The following ATP8A2 variants were observed in gnomAD, a reference collection of about 807,000 sequenced individuals.
ATP8A2 encodes phospholipid-transporting ATPase IB.
A neutral mutation model predicts 165.6 loss-of-function variants in ATP8A2; 100 were observed. The ratio of observed to expected loss-of-function variants is 0.60; its 90% CI spans 0.51 to 0.71. The LOEUF (loss-of-function observed/expected upper bound fraction) is 0.71, where lower values mean the gene tolerates loss of function less well. Ranked by LOEUF, ATP8A2 falls within the 30% of genes least tolerant of loss-of-function variation. The pLI, the probability that ATP8A2 is intolerant of heterozygous loss-of-function variation, is 0.00. For synonymous variants in ATP8A2, 543 were observed against 548.8 expected (o/e 0.99, Z 0.15); for missense variants, 1,227 against 1,479.5 (o/e 0.83, Z 2.80).
At chr13:25,769,439 G>C (rs895746261) in intron 26 of ATP8A2, among the ~76,000 whole-genome samples, 2 of 152,144 alleles carry the variant, frequency 1.3e-5, no homozygotes, top group African/African-American at 2.4e-5. Context: ...GATTTCTCTG[G>C]CCAGCTATGG....
intron 24 of ATP8A2, among the ~76,000 whole-genome samples, chr13:25,648,432 G>A (rs4638423): frequency 0.41 from 62,035 of 151,950 alleles, 13,907 homozygotes; most frequent in Middle Eastern, 0.56. Context: ...TTGGGAGGTC[G>A]AGGCAGGTGG....
At chr13:25,919,787 A>G (rs1156949493) in intron 33 of ATP8A2, among the ~76,000 whole-genome samples, 2 of 152,066 alleles carry the variant, frequency 1.3e-5, no homozygotes, top group African/African-American at 4.8e-5. Context: ...TTTTCTTGAG[A>G]CAGAGTCTTG....
At chr13:25,760,720 T>C (rs1323917989) in intron 25 of ATP8A2, among the ~76,000 whole-genome samples, 1 of 152,234 alleles carries the variant, frequency 6.6e-6, no homozygotes, top group Non-Finnish European at 1.5e-5. Context: ...TAAATGTTAA[T>C]GTATTTTTGC....
At position 25,961,734 on chromosome 13, in the gene ATP8A2, C is replaced by A; in HGVS notation, c.3272+71C>A. The A allele has an allele frequency of 3.5e-6, 4 of 1,144,334 alleles. No individual in the cohort carries two copies. The South Asian group carries it at 5.0e-5, about 14-fold the overall frequency. The allele number at this position is 1,144,334 out of a possible 1,614,324, so 70.9% of individuals were successfully genotyped here. ...CCCTGGAATTGTCTTTCTCATGAGT[C>A]CTGCTACAGGGTATGAGAATGACAG... On this transcript the variant is annotated intron_variant, in intron 34 of 36. Transcript: ENST00000381655.
chr13:25,805,961 A>C (rs1344797313), intron 27 of ATP8A2, among the ~76,000 whole-genome samples: 2 of 152,328 alleles, frequency 1.3e-5, no homozygotes, highest in East Asian at 1.9e-4. Flanking sequence ...AACAGTATGC[A>C]GTGCTCTAAT....
At position 25,720,224 on chromosome 13, in the gene ATP8A2, G is replaced by A. The variant is rs557307596; in HGVS notation, c.2384+20879G>A. On this transcript the variant is annotated intron_variant, in intron 25 of 36. Transcript: ENST00000381655. The stretch of plus-strand genomic sequence containing the variant: ...ACTCTGTCGCCCAGGCTGGACTGCA[G>A]TGGTGCAATCTCGGCTCACTGCAAG... Among the ~76,000 whole-genome samples, 259 of 139,302 alleles carry A rather than the reference G, an allele frequency of 1.9e-3. 1 individual carries two copies. Among genetic ancestry groups the A allele is most frequent in the Non-Finnish European group, 3.1e-3 (206 of 66,764 alleles). 91.4% of individuals were successfully genotyped at this position (139,302 alleles called of 152,430 possible).
chr13:25,773,897 T>A (rs1337257854), intron 26 of ATP8A2, among the ~76,000 whole-genome samples: 1 of 152,156 alleles, frequency 6.6e-6, no homozygotes, highest in African/African-American at 2.4e-5. Flanking sequence ...TCCGTGTGTG[T>A]CTATATGTGT....
chr13:25,853,396 A>ATATATATATATATATAT lies in ATP8A2; in HGVS notation c.2957-6799_2957-6798insTATATATATATATATAT, dbSNP rs59573616. ...ACAGAGCAAGACTCTATCTAAAAAAAATATATATATATATGTATATATATA... is the reference window on the plus strand; with the variant it reads ...ACAGAGCAAGACTCTATCTAAAAAAATATATATATATATATATATATATATATATATGTATATATATA... On this transcript the variant is annotated intron_variant, in intron 30 of 36. Coordinates refer to ENST00000381655, the MANE Select transcript of ATP8A2 (RefSeq NM_016529.6). Among the ~76,000 whole-genome samples, 176 of 107,798 alleles carry ATATATATATATATATAT rather than the reference A, an allele frequency of 1.6e-3. 2 individuals carry two copies. The highest frequency in any genetic ancestry group is 2.4e-3 in the Non-Finnish European group (124 of 51,564). 70.7% of individuals were successfully genotyped at this position (107,798 alleles called of 152,430 possible).
chr13:25,835,115 A>T (rs1951571918), intron 28 of ATP8A2, among the ~76,000 whole-genome samples: 1 of 152,140 alleles, frequency 6.6e-6, no homozygotes, highest in East Asian at 1.9e-4. Flanking sequence ...GCTCAAGTTT[A>T]AAAAAAGAAA....
chr13:25,877,801 C>T (rs1342786129), intron 33 of ATP8A2, among the ~76,000 whole-genome samples: 2 of 152,184 alleles, frequency 1.3e-5, no homozygotes, highest in African/African-American at 2.4e-5. Flanking sequence ...TTGTATAAGC[C>T]CCCAAGCCCT....
chr13:25,798,060 A>G (rs1359030634), intron 27 of ATP8A2, among the ~76,000 whole-genome samples: 2 of 152,080 alleles, frequency 1.3e-5, no homozygotes, highest in Non-Finnish European at 2.9e-5. Context: ...TTTTTTCAAG[A>G]ATTCCTTAAC....
At chr13:25,956,480 A>G (rs1955524940) in intron 33 of ATP8A2, among the ~76,000 whole-genome samples, 1 of 152,204 alleles carries the variant, frequency 6.6e-6, no homozygotes, top group South Asian at 2.1e-4. Flanking sequence ...CCCATAACAG[A>G]CAAACAGAGA....
At chr13:25,881,566 C>T (rs1280124708) in intron 33 of ATP8A2, among the ~76,000 whole-genome samples, 1 of 149,472 alleles carries the variant, frequency 6.7e-6, no homozygotes, top group African/African-American at 2.5e-5. Context: ...ACTAGGTAAA[C>T]GTGTCCTCCA....
chr13:25,714,027 C>A (rs2043205408), intron 25 of ATP8A2, among the ~76,000 whole-genome samples: 1 of 152,038 alleles, frequency 6.6e-6, no homozygotes, highest in Admixed American at 6.5e-5. Flanking sequence ...ATGCTGTAGG[C>A]TGATATAGAT....
intron 34 of ATP8A2, among the ~76,000 whole-genome samples, chr13:25,968,120 A>C (rs1448753310): frequency 6.6e-6 from 1 of 152,152 alleles, no homozygotes; most frequent in Non-Finnish European, 1.5e-5. Context: ...CACGCTAAAG[A>C]GGGAGGGAGG....
At chr13:25,507,716 TATA>T (rs2037096282) in intron 2 of ATP8A2, among the ~76,000 whole-genome samples, 1 of 152,162 alleles carries the variant, frequency 6.6e-6, no homozygotes, top group Non-Finnish European at 1.5e-5. Flanking sequence ...CCATTACATA[TATA>T]ATGAGGTTGG....
At chr13:25,785,361 CCTT>C (rs1391594921) in intron 27 of ATP8A2, among the ~76,000 whole-genome samples, 1 of 151,850 alleles carries the variant, frequency 6.6e-6, no homozygotes, top group Non-Finnish European at 1.5e-5. Context: ...GAGTGAGACT[CCTT>C]CTCAAAAAAT....
At chr13:25,923,269 C>T (rs953294772) in intron 33 of ATP8A2, among the ~76,000 whole-genome samples, 1 of 152,196 alleles carries the variant, frequency 6.6e-6, no homozygotes, top group Non-Finnish European at 1.5e-5. Flanking sequence ...TGAAGTCTTT[C>T]TAAAATTGTA....
intron 33 of ATP8A2, among the ~76,000 whole-genome samples, chr13:25,893,915 A>G (rs9507598): frequency 0.044 from 6,688 of 152,078 alleles, 169 homozygotes; most frequent in Middle Eastern, 0.095. Flanking sequence ...CTTTTCTTGT[A>G]AATTTGTTTG....
Sources: gnomAD v4.1 joint callset for allele counts (sites outside exome capture counted in the v4.1 genomes callset) on GRCh38, gnomAD v4.1.1 for gene constraint, MANE v1.5 for transcripts, NCBI Gene and HGNC (gene_info 2026-07-23, HGNC 2026-07-21) for gene names.